ARHGEF18: variants seen among roughly 807,000 people sequenced by gnomAD.
ARHGEF18 encodes the protein Rho/Rac guanine nucleotide exchange factor 18.
Under a neutral mutation model 155.7 loss-of-function variants are expected in ARHGEF18, and 93 were observed. The observed-to-expected ratio is 0.60, with a 90% confidence interval of 0.50 to 0.71. The LOEUF is 0.71. ARHGEF18 is among the 30% of genes least tolerant of loss of function. The probability of loss-of-function intolerance (pLI) is 0.00; values close to 1 mark genes in which losing one functional copy is unlikely to be tolerated. For missense variants in ARHGEF18, 1,593 were observed against 1,816.1 expected (o/e 0.88, Z 2.23); for synonymous variants, 742 against 753.1 (o/e 0.99, Z 0.24).
chr19:7,467,842 G>C (rs1976758778), intron 26 of ARHGEF18, among the ~76,000 whole-genome samples, 158 bp downstream of exon 26: 1 of 152,242 alleles, frequency 6.6e-6, no homozygotes, highest in African/African-American at 2.4e-5. Context: ...TCATGCCGCA[G>C]TACAGACCTT....
chr19:7,436,519 C>T (rs1974263369), intron 10 of ARHGEF18, among the ~76,000 whole-genome samples: 1 of 152,100 alleles, frequency 6.6e-6, no homozygotes. Flanking sequence ...CTCAAATGAT[C>T]CACCCCGCTC....
intron 13 of ARHGEF18, among the ~76,000 whole-genome samples, 186 bp downstream of exon 13, chr19:7,442,238 T>C (rs562080144): frequency 1.3e-5 from 2 of 151,872 alleles, no homozygotes; most frequent in African/African-American, 2.4e-5. Context: ...TTTCTTTCTT[T>C]CTTTTTTTTC....
At chr19:7,398,564 G>A (rs1182436847) in intron 10 of ARHGEF18, among the ~76,000 whole-genome samples, 6 of 151,586 alleles carry the variant, frequency 4.0e-5, no homozygotes, top group African/African-American at 9.7e-5. Context: ...GGTGGCCTGC[G>A]CCTGTAATCC....
chr19:7,433,438 C>T (rs369200270), intron 10 of ARHGEF18, among the ~76,000 whole-genome samples: 4 of 127,050 alleles, frequency 3.1e-5, no homozygotes, highest in East Asian at 2.6e-4. Context: ...TGCAGGGAGG[C>T]GGAGGTTGCA....
At chr19:7,408,221 T>TGAGC (rs953094157) in intron 10 of ARHGEF18, among the ~76,000 whole-genome samples, 133 of 152,180 alleles carry the variant, frequency 8.7e-4, no homozygotes, top group African/African-American at 3.1e-3. Flanking sequence ...GAAGTTGCAG[T>TGAGC]GAGCCGAAAT....
At chr19:7,453,738 C>T (rs376174716) in intron 17 of ARHGEF18, 23 bp downstream of exon 17, 36 of 1,518,084 alleles carry the variant, frequency 2.4e-5, no homozygotes, top group Admixed American at 6.4e-5. Context: ...CCCTGCCCAC[C>T]TCTAGTGGGT....
intron 10 of ARHGEF18, among the ~76,000 whole-genome samples, chr19:7,402,171 A>G (rs1276523571): frequency 2.6e-5 from 4 of 152,230 alleles, no homozygotes; most frequent in African/African-American, 9.6e-5. Flanking sequence ...CTGTAATCCC[A>G]GCACTTTGGG....
At chr19:7,443,569 C>T (rs1264365173) in intron 13 of ARHGEF18, among the ~76,000 whole-genome samples, 1 of 152,190 alleles carries the variant, frequency 6.6e-6, no homozygotes, top group Admixed American at 6.5e-5. Flanking sequence ...TCATCACCTT[C>T]CAAGGGCTGT....
At chr19:7,474,011 T>G (rs1599196200), downstream of ARHGEF18, among the ~76,000 whole-genome samples, 3 of 146,850 alleles carry the variant, frequency 2.0e-5, no homozygotes, top group Non-Finnish European at 3.0e-5. Flanking sequence ...AAAGGAAATT[T>G]GGGGGATAGA....
In ARHGEF18 at chr19:7,457,881, G is replaced by C. The variant is rs75955641; in HGVS notation, c.2182-631G>C. On this transcript the variant is annotated intron_variant, in intron 18 of 28. Transcript: ENST00000668164. Reference sequence around the variant, plus strand: ...GTGGCCTGAGGCACAAGACAGAGATGGGTTTATCTGTTGTTATATACTACA... The same window carrying C: ...GTGGCCTGAGGCACAAGACAGAGATCGGTTTATCTGTTGTTATATACTACA... Among the ~76,000 whole-genome samples, 9 of 152,148 alleles carry C rather than the reference G, an allele frequency of 5.9e-5. No homozygotes were observed. In the East Asian group the frequency reaches 1.7e-3, roughly 29 times the overall value.
rs1976333163 is a variant in ARHGEF18 at position 7,462,446 on chromosome 19, C to G, written c.2635+112C>G. ...GGCCGACACGGCACCCTGTCCAGGA[C>G]AGGCTTCTATGTGGGGGGGGCCCAG... On this transcript the variant is annotated intron_variant, in intron 21 of 28. Coordinates refer to ENST00000668164, the MANE Select transcript of ARHGEF18 (RefSeq NM_001367823.1). The surrounding 1 kb of genome is among the most constrained non-coding windows in gnomAD (Gnocchi z 4.4). 2 of 1,246,614 alleles carry G rather than the reference C, an allele frequency of 1.6e-6. No homozygotes were observed. Among genetic ancestry groups the G allele is most frequent in the Non-Finnish European group, 2.1e-6 (2 of 963,714 alleles). The allele number at this position is 1,246,614 out of a possible 1,614,324, so 77.2% of individuals were successfully genotyped here.
chr19:7,370,978 A>G (rs1482204466), intron 2 of ARHGEF18, among the ~76,000 whole-genome samples: 2 of 151,376 alleles, frequency 1.3e-5, no homozygotes, highest in Non-Finnish European at 2.9e-5. Flanking sequence ...TAGCATGATC[A>G]CAGCTCACTT....
At chr19:7,441,553 G>A (rs553598607) in intron 11 of ARHGEF18, 100 bp from the exon 12 acceptor site, 3 of 835,436 alleles carry the variant, frequency 3.6e-6, no homozygotes, top group Admixed American at 1.9e-5. Flanking sequence ...TTCTCAGAGA[G>A]TATCGAATCG....
In ARHGEF18 at chr19:7,395,970, T is replaced by C. The variant is rs1449354401; in HGVS notation, c.967+12767T>C. On this transcript the variant is annotated intron_variant, in intron 10 of 28. Transcript: ENST00000668164. This position sits in a 1 kb window ranked among gnomAD's most constrained non-coding sequence, Gnocchi z 5.0. ...CCCAGGTACTGAGCATAGTACTCAA[T>C]AGATAGTTTCAACCCTTGACCTCCT... is the stretch of plus-strand genomic sequence containing the variant. Among the ~76,000 whole-genome samples the C allele has an allele frequency of 6.6e-6, 1 of 152,092 alleles. No homozygotes were observed. Among genetic ancestry groups the C allele is most frequent in the African/African-American group, 2.4e-5 (1 of 41,402 alleles).
At chr19:7,459,876 T>C (rs1173609404) in intron 19 of ARHGEF18, 27 bp from the exon 20 acceptor site, 2 of 1,548,224 alleles carry the variant, frequency 1.3e-6, no homozygotes, top group Non-Finnish European at 1.7e-6. Flanking sequence ...GGAAGCACAG[T>C]TACCCACCCG....
intron 1 of ARHGEF18, among the ~76,000 whole-genome samples, chr19:7,360,273 T>C (rs2145333721): frequency 6.6e-6 from 1 of 151,612 alleles, no homozygotes; most frequent in East Asian, 1.9e-4. Flanking sequence ...TCTCACTCTG[T>C]CACCCAGGCT....
chr19:7,463,911 C>A lies in ARHGEF18; in HGVS notation c.2729C>A (p.Ala910Asp). 1 of 1,598,436 alleles carries A rather than the reference C, an allele frequency of 6.3e-7. No individual in the cohort carries two copies. Among genetic ancestry groups the A allele is most frequent in the Non-Finnish European group, 8.5e-7 (1 of 1,173,122 alleles). The change falls in exon 22 of 29, where the codon GCT becomes GAT. Residue 910 changes from alanine to aspartate, a missense_variant. Coordinates refer to ENST00000668164, the MANE Select transcript of ARHGEF18 (RefSeq NM_001367823.1). This position sits in a 1 kb window ranked among gnomAD's most constrained non-coding sequence, Gnocchi z 5.2. ...AGCTCCACAGGCCCGCCCAGGAGGGCTGAGACCTTCGCGGGCTACGACTGC... is the reference window on the plus strand; with the variant it reads ...AGCTCCACAGGCCCGCCCAGGAGGGATGAGACCTTCGCGGGCTACGACTGC... ...GGSSTGPPRR[A>D]ETFAGYDCTN...
intron 3 of ARHGEF18, among the ~76,000 whole-genome samples, chr19:7,375,394 G>A (rs1970409172): frequency 6.7e-6 from 1 of 148,514 alleles, no homozygotes; most frequent in African/African-American, 2.5e-5. Flanking sequence ...AAGGAAGGAA[G>A]GAAGAAAGGA....
chr19:7,450,992 A>T (rs552343228), intron 15 of ARHGEF18, among the ~76,000 whole-genome samples, 157 bp from the exon 16 acceptor site: 1 of 152,090 alleles, frequency 6.6e-6, no homozygotes, highest in Non-Finnish European at 1.5e-5. Context: ...TTAATGCAGG[A>T]TCTTGCTGTC....
Sources: allele counts gnomAD v4.1 joint callset (sites outside exome capture counted in the v4.1 genomes callset), GRCh38; gene constraint gnomAD v4.1.1; non-coding constraint Gnocchi (gnomAD v3.1); transcripts MANE v1.5; gene names NCBI Gene and HGNC (gene_info 2026-07-23, HGNC 2026-07-21).